The following XAF1 variants were observed in gnomAD, a reference collection of about 807,000 sequenced individuals.
XAF1 encodes the protein XIAP-associated factor 1.
XAF1 carries 32 observed loss-of-function variants against 32.3 expected under a neutral mutation model. That is an observed-to-expected ratio of 0.99 (90% CI 0.75 to 1.33). The LOEUF (loss-of-function observed/expected upper bound fraction) is 1.33, where lower values mean the gene tolerates loss of function less well. Among genes scored for constraint, XAF1 ranks in the 40% most tolerant of loss-of-function variants. The probability of loss-of-function intolerance (pLI) is 0.00; values close to 1 mark genes in which losing one functional copy is unlikely to be tolerated. For missense variants in XAF1, 379 were observed against 366.0 expected, an observed-to-expected ratio of 1.04 and a Z score of -0.29; for synonymous variants, 120 against 125.9, an observed-to-expected ratio of 0.95 and a Z score of 0.31.
intron 3 of XAF1, among the ~76,000 whole-genome samples, chr17:6,760,146 G>A (rs916689741): frequency 3.3e-5 from 5 of 151,812 alleles, no homozygotes; most frequent in East Asian, 1.9e-4. Context: ...TCAGGAGTTC[G>A]AGACCAGCCT....
intron 1 of XAF1, chr17:6,756,326 C>T (rs1974653519): frequency 7.3e-7 from 1 of 1,368,118 alleles, no homozygotes; most frequent in Non-Finnish European, 9.5e-7. Flanking sequence ...ACTGCAGCCC[C>T]TTTCCCCCAA....
At chr17:6,756,150 G>A (rs760989458) in intron 1 of XAF1, 40 bp downstream of exon 1, 39 of 1,613,826 alleles carry the variant, frequency 2.4e-5, no homozygotes, top group African/African-American at 2.0e-4. Context: ...CCGGGCTGGC[G>A]AGGGAGAGAC....
chr17:6,763,035 G>A (rs1975338907), intron 5 of XAF1, among the ~76,000 whole-genome samples: 1 of 152,110 alleles, frequency 6.6e-6, no homozygotes. Context: ...AGAGACATTT[G>A]GTACATTCAC....
chr17:6,770,590 G>A, intron 5 of XAF1, 53 bp from the exon 6 acceptor site: 1 of 1,424,280 alleles, frequency 7.0e-7, no homozygotes, highest in East Asian at 2.3e-5. Context: ...TGTATTTTCT[G>A]ACCATTAAAG....
chr17:6,756,584 G>T (rs1310955875), intron 1 of XAF1, among the ~76,000 whole-genome samples: 1 of 152,104 alleles, frequency 6.6e-6, no homozygotes, highest in Middle Eastern at 3.2e-3. Flanking sequence ...TAACGGGAGG[G>T]GGGGCGCGGA....
At chr17:6,763,512 A>G (rs530017519) in intron 5 of XAF1, among the ~76,000 whole-genome samples, 74 of 151,870 alleles carry the variant, frequency 4.9e-4, no homozygotes, top group African/African-American at 1.5e-3. Context: ...ATTTTTTTTT[A>G]GTAGAGACGG....
At chr17:6,766,662 G>A (rs1462841472) in intron 5 of XAF1, among the ~76,000 whole-genome samples, 1 of 152,178 alleles carries the variant, frequency 6.6e-6, no homozygotes, top group Non-Finnish European at 1.5e-5. Flanking sequence ...TTGTGATTAT[G>A]TGTTCTTTCT....
At chr17:6,772,754 A>G (rs116297644) in intron 6 of XAF1, 2,424 of 186,914 alleles carry the variant, frequency 0.013, 69 homozygotes, top group African/African-American at 0.055. Context: ...ATAGGGCATG[A>G]GCCACCACGC....
intron 6 of XAF1, chr17:6,771,386 C>A (rs1045652953): frequency 6.4e-6 from 1 of 156,388 alleles, no homozygotes; most frequent in African/African-American, 2.4e-5. Flanking sequence ...TGGTCAAGAT[C>A]CTAAGCCAGT....
chr17:6,767,605 C>A (rs1427926106), intron 5 of XAF1, among the ~76,000 whole-genome samples: 1 of 152,164 alleles, frequency 6.6e-6, no homozygotes, highest in Non-Finnish European at 1.5e-5. Context: ...TGTTATTTCA[C>A]CATCATTCTT....
intron 2 of XAF1, 41 bp from the exon 3 acceptor site, chr17:6,759,621 C>T: frequency 6.2e-7 from 1 of 1,601,198 alleles, no homozygotes; most frequent in Non-Finnish European, 8.5e-7. Flanking sequence ...CTGGGTGGAC[C>T]CACATCTGGT....
intron 5 of XAF1, among the ~76,000 whole-genome samples, chr17:6,764,883 A>G (rs1363598717): frequency 6.6e-6 from 1 of 152,172 alleles, no homozygotes; most frequent in African/African-American, 2.4e-5. Context: ...TCCAATGCTC[A>G]GTTCTCAGTT....
chr17:6,766,230 A>G (rs186288275), intron 5 of XAF1, among the ~76,000 whole-genome samples: 76 of 152,236 alleles, frequency 5.0e-4, no homozygotes, highest in Non-Finnish European at 3.7e-4. Context: ...ACCTTCTTCT[A>G]TTATTTTTTC....
chr17:6,762,272 C>CCAAT lies in XAF1; in HGVS notation c.507+33_507+36dup, dbSNP rs1242790552. 12 of 1,544,402 alleles carry CCAAT rather than the reference C, an allele frequency of 7.8e-6. No individual in the cohort carries two copies. The South Asian group carries it at 1.2e-4, about 15-fold the overall frequency. On this transcript the variant is annotated intron_variant, in intron 5 of 6. Transcript: ENST00000361842. Reference sequence around the variant, plus strand: ...AGCACTTAGTAATTTTCTAATGGTGCCAATAGTTCATCCACATTCTGAAAA... The same window carrying CCAAT: ...AGCACTTAGTAATTTTCTAATGGTGCCAATCAATAGTTCATCCACATTCTGAAAA...
intron 1 of XAF1, 57 bp downstream of exon 1, chr17:6,756,167 G>A (rs1567641981): frequency 1.1e-5 from 17 of 1,612,720 alleles, no homozygotes; most frequent in Admixed American, 5.0e-5. Flanking sequence ...AGACGTAGAC[G>A]ACATAGGGCT....
At chr17:6,763,167 A>C (rs538749061) in intron 5 of XAF1, among the ~76,000 whole-genome samples, 1 of 152,102 alleles carries the variant, frequency 6.6e-6, no homozygotes. Flanking sequence ...TCTGCTTTCT[A>C]TCTCTATGGA....
chr17:6,768,693 T>C (rs1975801790), intron 5 of XAF1, among the ~76,000 whole-genome samples: 1 of 152,252 alleles, frequency 6.6e-6, no homozygotes, highest in East Asian at 1.9e-4. Flanking sequence ...CTTCTGTTAT[T>C]GCTGTTGATG....
chr17:6,760,651 T>C (rs767577726), intron 4 of XAF1, 50 bp downstream of exon 4: 26 of 1,548,154 alleles, frequency 1.7e-5, no homozygotes, highest in Non-Finnish European at 1.8e-6. Flanking sequence ...GGCCAGAGCC[T>C]TTCCTGGATG....
chr17:6,763,836 A>G (rs1165254203), intron 5 of XAF1, among the ~76,000 whole-genome samples: 1 of 152,218 alleles, frequency 6.6e-6, no homozygotes, highest in Non-Finnish European at 1.5e-5. Context: ...GCGCTGCCCC[A>G]GCCACGGGAT....
Sources: allele counts gnomAD v4.1 joint callset (sites outside exome capture counted in the v4.1 genomes callset), GRCh38; gene constraint gnomAD v4.1.1; transcripts MANE v1.5; gene names NCBI Gene and HGNC (gene_info 2026-07-23, HGNC 2026-07-21).